The following ST6GALNAC3 variants were observed in gnomAD, a reference collection of about 807,000 sequenced individuals.
The protein encoded by ST6GALNAC3 is ST6 N-acetylgalactosaminide alpha-2,6-sialyltransferase 3.
In ST6GALNAC3, 25 loss-of-function variants were observed where a neutral mutation model predicts 32.7. The observed-to-expected ratio is 0.76, with a 90% CI of 0.56 to 1.07. The LOEUF is 1.07. Ranked by LOEUF, ST6GALNAC3 falls within the 50% of genes least tolerant of loss-of-function variation. ST6GALNAC3 has a pLI of 0.00. For synonymous variants in ST6GALNAC3, 129 were observed against 133.1 expected, an observed-to-expected ratio of 0.97 and a Z score of 0.21; for missense variants, 355 against 382.4, an observed-to-expected ratio of 0.93 and a Z score of 0.60.
chr1:76,631,840 G>A lies in ST6GALNAC3; in HGVS notation c.*3034G>A, dbSNP rs1209890268. 9 of 151,950 alleles carry A rather than the reference G, an allele frequency of 5.9e-5. No homozygotes were observed. Among genetic ancestry groups the A allele is most frequent in the Non-Finnish European group, 1.3e-4 (9 of 67,958 alleles). 9.4% of individuals were successfully genotyped at this position (151,950 alleles called of 1,614,324 possible). ...CTGTTATGCATAATTCTATGAAAAA[G>A]CAAGGTAATTTAAAAAGAGTTTTAA... On this transcript the variant is annotated 3_prime_UTR_variant, in exon 5 of 5. Coordinates refer to ENST00000328299, the MANE Select transcript of ST6GALNAC3 (RefSeq NM_152996.4).
chr1:76,306,671 T>A (rs1661074564), intron 1 of ST6GALNAC3, among the ~76,000 whole-genome samples: 1 of 61,114 alleles, frequency 1.6e-5, no homozygotes, highest in East Asian at 4.5e-4. Flanking sequence ...CAAAGGAGTT[T>A]TTTTTTTTGG....
chr1:76,104,836 C>T (rs934375900), intron 1 of ST6GALNAC3, among the ~76,000 whole-genome samples: 1 of 152,080 alleles, frequency 6.6e-6, no homozygotes, highest in Non-Finnish European at 1.5e-5. Flanking sequence ...GCATGCCTCA[C>T]CTGCGGCAGA....
intron 1 of ST6GALNAC3, among the ~76,000 whole-genome samples, chr1:76,229,027 G>A (rs1211607718): frequency 2.0e-5 from 3 of 152,198 alleles, no homozygotes; most frequent in East Asian, 1.9e-4. Context: ...TCATGGGCCC[G>A]CTCTGGTTTC....
In ST6GALNAC3 at chr1:76,408,983, G is replaced by A. The variant is rs111422189; in HGVS notation, c.214-3025G>A. 7.8e-3 allele frequency among the ~76,000 whole-genome samples: 1,187 copies of A among 152,202 alleles called. 16 individuals are homozygous for A. Among genetic ancestry groups the A allele is most frequent in the African/African-American group, 0.027 (1,113 of 41,518 alleles). On this transcript the variant is annotated intron_variant, in intron 2 of 4. Coordinates refer to ENST00000328299, the MANE Select transcript of ST6GALNAC3 (RefSeq NM_152996.4). Reference sequence around the variant, plus strand: ...GAGGACTCAGCTAAGAGTAATGGATGTCAGGCTCTGCTGCAAGCCGTCTGG... The same window carrying A: ...GAGGACTCAGCTAAGAGTAATGGATATCAGGCTCTGCTGCAAGCCGTCTGG...
intron 1 of ST6GALNAC3, among the ~76,000 whole-genome samples, chr1:76,293,733 G>A (rs1394045462): frequency 6.6e-6 from 1 of 152,184 alleles, no homozygotes; most frequent in African/African-American, 2.4e-5. Flanking sequence ...ATAAAGCAAA[G>A]TGGTGGCCTT....
chr1:76,565,056 C>G (rs1015975575), intron 3 of ST6GALNAC3, among the ~76,000 whole-genome samples: 1 of 152,076 alleles, frequency 6.6e-6, no homozygotes, highest in Non-Finnish European at 1.5e-5. Context: ...AAGATGATTG[C>G]TGAGTACAAG....
chr1:76,392,577 A>G (rs1332807398), intron 2 of ST6GALNAC3, among the ~76,000 whole-genome samples: 3 of 152,234 alleles, frequency 2.0e-5, no homozygotes, highest in Non-Finnish European at 1.5e-5. Flanking sequence ...TAATGAATAC[A>G]AATAATTTGA....
At position 76,313,900 on chromosome 1, in the gene ST6GALNAC3, C is replaced by G; in HGVS notation, c.114C>G (p.Asn38Lys). 6.2e-7 allele frequency: 1 copy of G among 1,613,678 alleles called. No individual in the cohort carries two copies. Among genetic ancestry groups the G allele is most frequent in the East Asian group, 2.2e-5 (1 of 44,852 alleles). ...AAGTGAATTTCCCATTGCTACTAAA[C>G]TGCTTTGGACAACCTGGTACAAAGT... The part of the protein sequence containing the change: ...VNEVNFPLLL[N>K]CFGQPGTKWI... The change falls in exon 2 of 5, where the codon AAC becomes AAG. Residue 38 changes from asparagine to lysine, a missense_variant. Physicochemically the swap from Asn to Lys is moderately conservative, Grantham distance 94. Coordinates refer to ENST00000328299, the MANE Select transcript of ST6GALNAC3 (RefSeq NM_152996.4).
rs569146295 is a variant in ST6GALNAC3 at position 76,237,357 on chromosome 1, C to T, written c.19-76448C>T. Among the ~76,000 whole-genome samples the T allele has an allele frequency of 3.3e-5, 5 of 152,308 alleles. No individual in the cohort carries two copies. The South Asian group carries it at 1.0e-3, about 32-fold the overall frequency. On this transcript the variant is annotated intron_variant, in intron 1 of 4. Coordinates refer to ENST00000328299, the MANE Select transcript of ST6GALNAC3 (RefSeq NM_152996.4). Reference sequence around the variant, plus strand: ...CTGGGTTGGCCAGGCTGATCTGAAACTCCTGACCTCAAGTGATTCACCCGC... The same window carrying T: ...CTGGGTTGGCCAGGCTGATCTGAAATTCCTGACCTCAAGTGATTCACCCGC...
intron 1 of ST6GALNAC3, among the ~76,000 whole-genome samples, chr1:76,281,882 A>G (rs1570680612): frequency 6.6e-6 from 1 of 152,274 alleles, no homozygotes; most frequent in African/African-American, 2.4e-5. Flanking sequence ...GGAAACATCT[A>G]TTGAGGTCAT....
chr1:76,528,169 A>T (rs551408851), intron 3 of ST6GALNAC3, among the ~76,000 whole-genome samples: 1 of 152,154 alleles, frequency 6.6e-6, no homozygotes, highest in Non-Finnish European at 1.5e-5. Context: ...ATGTGAGAAT[A>T]TCAAAGAAGC....
chr1:76,632,804 A>C lies in ST6GALNAC3; in HGVS notation c.*3998A>C, dbSNP rs907041534. ...ATAATCAGATGACTGATTTAAAAAA[A>C]AACAACAACAATGTGCCCATCTAGC... On this transcript the variant is annotated 3_prime_UTR_variant, in exon 5 of 5. Transcript: ENST00000328299. 5 of 151,716 alleles carry C rather than the reference A, an allele frequency of 3.3e-5. No homozygotes were observed. Among genetic ancestry groups the C allele is most frequent in the East Asian group, 1.9e-4 (1 of 5,180 alleles). 9.4% of individuals were successfully genotyped at this position (151,716 alleles called of 1,614,324 possible).
At chr1:76,258,920 T>G (rs1477539951) in intron 1 of ST6GALNAC3, among the ~76,000 whole-genome samples, 2 of 152,168 alleles carry the variant, frequency 1.3e-5, no homozygotes, top group Non-Finnish European at 2.9e-5. Flanking sequence ...AACATTTACA[T>G]TGTCCAAAAT....
At chr1:76,247,737 A>G (rs906942759) in intron 1 of ST6GALNAC3, among the ~76,000 whole-genome samples, 1 of 151,694 alleles carries the variant, frequency 6.6e-6, no homozygotes, top group African/African-American at 2.4e-5. Context: ...TTTCAAGCCA[A>G]TGGTTCTTAG....
chr1:76,605,748 C>A (rs1647492483), intron 3 of ST6GALNAC3, among the ~76,000 whole-genome samples: 1 of 150,042 alleles, frequency 6.7e-6, no homozygotes, highest in African/African-American at 2.5e-5. Context: ...GCCTGTAATT[C>A]CAGCTACTTA....
At chr1:76,336,897 C>T (rs1465798127) in intron 2 of ST6GALNAC3, among the ~76,000 whole-genome samples, 1 of 152,196 alleles carries the variant, frequency 6.6e-6, no homozygotes, top group African/African-American at 2.4e-5. Flanking sequence ...TTCTTAGTTG[C>T]TCCCCCTCCT....
intron 3 of ST6GALNAC3, chr1:76,577,316 T>C: frequency 1.0e-6 from 1 of 987,278 alleles, no homozygotes; most frequent in South Asian, 4.7e-5. Flanking sequence ...AGATTTCCCT[T>C]GCCACTGCCT....
intron 1 of ST6GALNAC3, among the ~76,000 whole-genome samples, chr1:76,155,689 G>A (rs1348062816): frequency 1.3e-5 from 2 of 151,844 alleles, no homozygotes; most frequent in Non-Finnish European, 2.9e-5. Flanking sequence ...GTGTTAGCTA[G>A]GATGGTCTCG....
chr1:76,508,083 A>C (rs11162169), intron 3 of ST6GALNAC3, among the ~76,000 whole-genome samples: 3,288 of 152,166 alleles, frequency 0.022, 130 homozygotes, highest in African/African-American at 0.075. Context: ...CTTTACCTTG[A>C]CTAGTAGACT....
Sources: allele counts gnomAD v4.1 joint callset (sites outside exome capture counted in the v4.1 genomes callset), GRCh38; gene constraint gnomAD v4.1.1; transcripts MANE v1.5; gene names NCBI Gene and HGNC (gene_info 2026-07-23, HGNC 2026-07-21).